The following GRM7 variants were observed in gnomAD, a reference collection of about 807,000 sequenced individuals.
The protein encoded by GRM7 is glutamate metabotropic receptor 7, also known as metabotropic glutamate receptor 7.
In GRM7, 35 loss-of-function variants were observed where a neutral mutation model predicts 84.5. That is an observed-to-expected ratio of 0.41 (90% CI 0.32 to 0.55). The LOEUF (loss-of-function observed/expected upper bound fraction) is 0.55. GRM7 is among the 20% of genes least tolerant of loss of function. The probability of loss-of-function intolerance (pLI) is 0.19; values close to 1 mark genes in which losing one functional copy is unlikely to be tolerated. For missense variants in GRM7, 1,003 were observed against 1,194.6 expected (o/e 0.84, Z 2.36); for synonymous variants, 487 against 455.1 (o/e 1.07, Z -0.89).
At chr3:7,552,558 T>G (rs930162428) in intron 7 of GRM7, among the ~76,000 whole-genome samples, 8 of 152,186 alleles carry the variant, frequency 5.3e-5, no homozygotes, top group African/African-American at 1.9e-4. Flanking sequence ...TTTCCATATA[T>G]CCTCTGAAAT....
At chr3:6,987,010 A>G (rs532688807) in intron 1 of GRM7, among the ~76,000 whole-genome samples, 1 of 152,330 alleles carries the variant, frequency 6.6e-6, no homozygotes, top group African/African-American at 2.4e-5. Flanking sequence ...TACTCAGTTA[A>G]TTCACACTAT....
intron 3 of GRM7, among the ~76,000 whole-genome samples, chr3:7,303,331 A>G (rs187535747): frequency 1.2e-4 from 18 of 152,182 alleles, no homozygotes; most frequent in African/African-American, 4.3e-4. Context: ...CTCCTGTTCC[A>G]TCTCACCATG....
Position 7,680,252 on chromosome 3 carries a change from C to T in GRM7, c.2655C>T (p.Asn885=), listed in dbSNP as rs546761323. 5.7e-5 allele frequency: 92 copies of T among 1,614,078 alleles called. No homozygotes were observed. In the East Asian group the frequency reaches 1.9e-3, roughly 33 times the overall value. The change falls in exon 9 of 10, where the codon AAC becomes AAT. Residue 885 remains asparagine, a synonymous_variant. Coordinates refer to ENST00000357716, the MANE Select transcript of GRM7 (RefSeq NM_000844.4). ...CACACAAACCCAGTGACAGACCCAA[C>T]GGTGAGGCAAAGACCGAGCTCTGTG... ...RLSHKPSDRP[N]GEAKTELCEN...
At position 6,998,119 on chromosome 3, in the gene GRM7, C is replaced by CAAAAAAAAAAAAA. The variant is rs3063449; in HGVS notation, c.519+136220_519+136232dup. ...GGGCAAAAACAGCAAATCTCCATCT[C>CAAAAAAAAAAAAA]AAAAAAAAAAAAAAAAAAAAGCAGG... On this transcript the variant is annotated intron_variant, in intron 1 of 9. Transcript: ENST00000357716. Among the ~76,000 whole-genome samples, 148 of 18,416 alleles carry CAAAAAAAAAAAAA rather than the reference C, an allele frequency of 8.0e-3. 50 individuals carry two copies. The highest frequency in any genetic ancestry group is 0.021 in the African/African-American group (112 of 5,448). The allele number at this position is 18,416 out of a possible 152,430, so 12.1% of individuals were successfully genotyped here. A position where few individuals can be genotyped will look rare whatever the true frequency, so the allele number is the denominator to read the frequency against.
intron 2 of GRM7, among the ~76,000 whole-genome samples, chr3:7,179,378 A>C (rs1247319914): frequency 6.6e-6 from 1 of 152,260 alleles, no homozygotes; most frequent in East Asian, 1.9e-4. Context: ...CTACTACTGC[A>C]CATCTGTAAA....
chr3:7,438,884 G>T (rs1409005041), intron 5 of GRM7, among the ~76,000 whole-genome samples: 1 of 152,018 alleles, frequency 6.6e-6, no homozygotes, highest in Non-Finnish European at 1.5e-5. Flanking sequence ...AGATATCGGG[G>T]GTGGAAGGGG....
At chr3:7,142,665 T>A (rs986062495) in intron 1 of GRM7, among the ~76,000 whole-genome samples, 15 of 152,124 alleles carry the variant, frequency 9.9e-5, no homozygotes, top group African/African-American at 3.1e-4. Flanking sequence ...CATATCAGTA[T>A]CTGTGCATAA....
chr3:7,270,483 C>T (rs1317047636), intron 2 of GRM7, among the ~76,000 whole-genome samples: 1 of 151,990 alleles, frequency 6.6e-6, no homozygotes, highest in Non-Finnish European at 1.5e-5. Context: ...TTTAGCCTTT[C>T]TCCCTTTTCT....
At chr3:7,123,331 A>C (rs1381870775) in intron 1 of GRM7, among the ~76,000 whole-genome samples, 1 of 152,078 alleles carries the variant, frequency 6.6e-6, no homozygotes, top group Non-Finnish European at 1.5e-5. Flanking sequence ...CTTTTTAAGA[A>C]AGTGGGGCCA....
At chr3:7,507,474 A>G (rs1700072837) in intron 7 of GRM7, among the ~76,000 whole-genome samples, 2 of 152,222 alleles carry the variant, frequency 1.3e-5, no homozygotes. Context: ...AGTATTCTCT[A>G]TGCTCCAAAG....
chr3:7,018,746 T>G (rs1357941848), intron 1 of GRM7, among the ~76,000 whole-genome samples: 1 of 152,240 alleles, frequency 6.6e-6, no homozygotes, highest in East Asian at 1.9e-4. Flanking sequence ...GCACAAGAGA[T>G]GTCCTATATA....
At chr3:7,250,892 A>G (rs941798946) in intron 2 of GRM7, among the ~76,000 whole-genome samples, 1 of 152,202 alleles carries the variant, frequency 6.6e-6, no homozygotes, top group Non-Finnish European at 1.5e-5. Flanking sequence ...AGGTACTTGA[A>G]AAGTTGAGAG....
At chr3:6,891,880 T>C (rs545142361) in intron 1 of GRM7, among the ~76,000 whole-genome samples, 2 of 152,314 alleles carry the variant, frequency 1.3e-5, no homozygotes, top group South Asian at 4.1e-4. Flanking sequence ...CAATCAGACA[T>C]AGATTTGGTC....
intron 1 of GRM7, among the ~76,000 whole-genome samples, chr3:6,914,237 G>A (rs978146908): frequency 6.6e-6 from 1 of 152,082 alleles, no homozygotes; most frequent in Non-Finnish European, 1.5e-5. Flanking sequence ...CTTCAATGAA[G>A]TTCTTCAACT....
At chr3:7,190,043 T>G (rs568078617) in intron 2 of GRM7, among the ~76,000 whole-genome samples, 11 of 152,192 alleles carry the variant, frequency 7.2e-5, no homozygotes, top group African/African-American at 2.4e-4. Flanking sequence ...ATAAGCAAAT[T>G]GTTCTTTTCT....
chr3:7,272,619 AT>A (rs1337500781), intron 2 of GRM7, among the ~76,000 whole-genome samples: 1 of 152,090 alleles, frequency 6.6e-6, no homozygotes, highest in Non-Finnish European at 1.5e-5. Context: ...CCCTTATGTT[AT>A]TAAATTTCTA....
chr3:7,480,011 G>C (rs1231025894), intron 7 of GRM7, among the ~76,000 whole-genome samples: 1 of 152,116 alleles, frequency 6.6e-6, no homozygotes, highest in African/African-American at 2.4e-5. Flanking sequence ...GTGCACAATG[G>C]ATACCGCACT....
At chr3:7,284,088 A>C (rs2125000248) in intron 2 of GRM7, among the ~76,000 whole-genome samples, 1 of 152,360 alleles carries the variant, frequency 6.6e-6, no homozygotes, top group South Asian at 2.1e-4. Flanking sequence ...CAGCCTAATA[A>C]CTCAATTAAA....
intron 1 of GRM7, among the ~76,000 whole-genome samples, chr3:7,052,430 AT>A (rs1697041945): frequency 6.6e-6 from 1 of 151,582 alleles, no homozygotes; most frequent in African/African-American, 2.4e-5. Context: ...AAATTTATCA[AT>A]TTAAGTGTGC....
Sources: allele counts gnomAD v4.1 joint callset (sites outside exome capture counted in the v4.1 genomes callset), GRCh38; gene constraint gnomAD v4.1.1; transcripts MANE v1.5; gene names NCBI Gene and HGNC (gene_info 2026-07-23, HGNC 2026-07-21).